Variants in MAPK9 observed in about 807,000 individuals in gnomAD.
MAPK9 encodes mitogen-activated protein kinase 9.
Under a neutral mutation model 57.1 loss-of-function variants are expected in MAPK9, and 30 were observed. The observed-to-expected ratio is 0.53, with a 90% CI of 0.39 to 0.71. MAPK9 has a LOEUF of 0.71. Ranked by LOEUF, MAPK9 falls within the 30% of genes least tolerant of loss-of-function variation. MAPK9 has a pLI of 0.00. For synonymous variants in MAPK9, 155 were observed against 177.0 expected (o/e 0.88, Z 0.99); for missense variants, 362 against 521.0 (o/e 0.69, Z 2.97).
chr5:180,254,055 T>C (rs1218686745), intron 5 of MAPK9, among the ~76,000 whole-genome samples: 2 of 142,470 alleles, frequency 1.4e-5, no homozygotes, highest in Non-Finnish European at 3.0e-5. Flanking sequence ...CAACCTCCGC[T>C]TCCTGGGTTC....
At chr5:180,250,545 C>A (rs6877489) in intron 5 of MAPK9, among the ~76,000 whole-genome samples, 1 of 151,982 alleles carries the variant, frequency 6.6e-6, no homozygotes, top group Non-Finnish European at 1.5e-5. Flanking sequence ...CTGTAAGACA[C>A]CCCAACTGAT....
At chr5:180,263,906 C>T (rs1333459019) in intron 4 of MAPK9, among the ~76,000 whole-genome samples, 4 of 152,022 alleles carry the variant, frequency 2.6e-5, no homozygotes, top group Non-Finnish European at 4.4e-5. Context: ...GGGGTTTCAC[C>T]GTGTTAGCCA....
At chr5:180,283,697 AGGCCAACGTGGG>A (rs1163309771) in intron 1 of MAPK9, among the ~76,000 whole-genome samples, 1 of 152,236 alleles carries the variant, frequency 6.6e-6, no homozygotes, top group East Asian at 1.9e-4. Flanking sequence ...GCACTTTGGG[AGGCCAACGTGGG>A]GGAATCACTT....
intron 1 of MAPK9, among the ~76,000 whole-genome samples, chr5:180,283,015 GCC>G (rs1427538657): frequency 6.6e-6 from 1 of 152,154 alleles, no homozygotes; most frequent in Non-Finnish European, 1.5e-5. Context: ...ATCACTATGA[GCC>G]CCAGAAGCCA....
Position 180,264,356 on chromosome 5 carries a change from T to C in MAPK9, c.311+425A>G, listed in dbSNP as rs144522353. On this transcript the variant is annotated intron_variant, in intron 4 of 11. Coordinates refer to ENST00000452135, the MANE Select transcript of MAPK9 (RefSeq NM_002752.5). The stretch of plus-strand genomic sequence containing the variant: ...GGCATTATGCCTCTCAATAGATTAA[T>C]ACTTCATTTCACTGTTAGTAAGATG... Among the ~76,000 whole-genome samples the C allele has an allele frequency of 2.9e-3, 437 of 152,336 alleles. 1 individual carries two copies. Among genetic ancestry groups the C allele is most frequent in the Non-Finnish European group, 4.7e-3 (318 of 68,038 alleles).
rs780900586 is a variant in MAPK9, at chr5:180,241,140, T to G, written c.887A>C (p.Asp296Ala). Reference sequence around the variant, plus strand: ...AATCACTAACATTTTTGATAACAGATCTCTGGCTTGACTTGCTAGGGTGAC... The same window carrying G: ...AATCACTAACATTTTTGATAACAGAGCTCTGGCTTGACTTGCTAGGGTGAC... ...RDKIKTSQAR[D>A]LLSKMLVIDP... is the part of the protein sequence containing the mutation. The change falls in exon 9 of 12, where the codon GAT (aspartate) becomes GCT (alanine). Residue 296 changes from aspartate to alanine, a missense_variant. Coordinates refer to ENST00000452135, the MANE Select transcript of MAPK9 (RefSeq NM_002752.5). 6.2e-7 allele frequency: 1 copy of G among 1,613,288 alleles called. No homozygotes were observed. The highest frequency in any genetic ancestry group is 2.2e-5 in the East Asian group (1 of 44,874).
intron 2 of MAPK9, among the ~76,000 whole-genome samples, chr5:180,279,025 T>C (rs184184263): frequency 0.011 from 1,639 of 151,560 alleles, 27 homozygotes; most frequent in African/African-American, 0.037. Context: ...TGGCGCGATC[T>C]TGGCTCACTG....
chr5:180,262,786 C>T (rs1299766691), intron 4 of MAPK9, among the ~76,000 whole-genome samples: 1 of 152,138 alleles, frequency 6.6e-6, no homozygotes, highest in East Asian at 1.9e-4. Context: ...GTGCAGCCAC[C>T]ATTCTGCTGA....
intron 1 of MAPK9, among the ~76,000 whole-genome samples, chr5:180,291,218 G>A (rs1160967833): frequency 6.6e-6 from 1 of 151,942 alleles, no homozygotes; most frequent in Admixed American, 6.6e-5. Context: ...GGAGGGGCGC[G>A]GTGGTAAGGG....
chr5:180,244,234 C>A (rs1757892467), intron 7 of MAPK9, among the ~76,000 whole-genome samples: 1 of 152,110 alleles, frequency 6.6e-6, no homozygotes, highest in South Asian at 2.1e-4. Context: ...GTGCCATTTG[C>A]CACACAGCAA....
intron 7 of MAPK9, among the ~76,000 whole-genome samples, chr5:180,245,357 C>A (rs2127579438): frequency 6.6e-6 from 1 of 152,342 alleles, no homozygotes; most frequent in Non-Finnish European, 1.5e-5. Flanking sequence ...TTCTCCTGCT[C>A]TGCCCTGCCC....
intron 3 of MAPK9, among the ~76,000 whole-genome samples, chr5:180,265,854 A>G (rs978069257): frequency 7.2e-5 from 11 of 152,220 alleles, no homozygotes; most frequent in African/African-American, 2.7e-4. Flanking sequence ...TTCAATCTTT[A>G]TACCAAGAAA....
intron 4 of MAPK9, among the ~76,000 whole-genome samples, chr5:180,263,835 A>G (rs975115777): frequency 7.3e-5 from 11 of 151,090 alleles, no homozygotes; most frequent in Non-Finnish European, 1.6e-4. Flanking sequence ...CCTCCTGAGT[A>G]GCTGGGACTA....
chr5:180,291,500 G>A (rs926137818), intron 1 of MAPK9, among the ~76,000 whole-genome samples: 3 of 152,182 alleles, frequency 2.0e-5, no homozygotes, highest in Non-Finnish European at 4.4e-5. Flanking sequence ...GCAGAGCGAG[G>A]GTCAGTGCCT....
intron 3 of MAPK9, among the ~76,000 whole-genome samples, chr5:180,267,360 G>C (rs919950094): frequency 2.6e-5 from 4 of 151,960 alleles, no homozygotes; most frequent in African/African-American, 7.2e-5. Context: ...AGGAGATCGA[G>C]ACCATCCTGG....
At chr5:180,291,298 C>A (rs895807371) in intron 1 of MAPK9, among the ~76,000 whole-genome samples, 3 of 19,332 alleles carry the variant, frequency 1.6e-4, no homozygotes, top group Non-Finnish European at 2.9e-4. Flanking sequence ...GAGGAGTGCG[C>A]GGGGAGGCGG....
chr5:180,292,017 CG>C lies in MAPK9; in HGVS notation c.-218del. On this transcript the variant is annotated 5_prime_UTR_variant, in exon 1 of 12. Transcript: ENST00000452135. The stretch of plus-strand genomic sequence containing the variant: ...CCGCCGCAGTGGGTGTGAGGGGCGC[CG>C]GGGCGCTGCGACCCTTCCGGTCCCG... The C allele has an allele frequency of 6.4e-6, 1 of 156,566 alleles. No homozygotes were observed. Among genetic ancestry groups the C allele is most frequent in the Non-Finnish European group, 1.4e-5 (1 of 72,658 alleles). 9.7% of individuals were successfully genotyped at this position (156,566 alleles called of 1,614,324 possible).
At chr5:180,242,281 GTTC>G (rs948788368) in intron 8 of MAPK9, among the ~76,000 whole-genome samples, 35 of 152,170 alleles carry the variant, frequency 2.3e-4, no homozygotes, top group Admixed American at 5.9e-4. Flanking sequence ...TGCATTAAGT[GTTC>G]TTCTTACCTG....
intron 3 of MAPK9, among the ~76,000 whole-genome samples, chr5:180,267,638 T>C (rs1021479003): frequency 3.4e-5 from 5 of 148,954 alleles, no homozygotes; most frequent in Admixed American, 1.3e-4. Context: ...AGCCACAGAC[T>C]CAAAAGAAGG....
Sources: allele counts gnomAD v4.1 joint callset (sites outside exome capture counted in the v4.1 genomes callset), GRCh38; gene constraint gnomAD v4.1.1; transcripts MANE v1.5; gene names NCBI Gene and HGNC (gene_info 2026-07-23, HGNC 2026-07-21).